Variants in CPNE4 observed in about 807,000 individuals in gnomAD.
CPNE4 encodes the protein copine-4.
Under a neutral mutation model 67.9 loss-of-function variants are expected in CPNE4, and 25 were observed. That is an observed-to-expected ratio of 0.37 (90% confidence interval 0.27 to 0.51). The LOEUF is 0.51. Ranked by LOEUF, CPNE4 falls within the 20% of genes least tolerant of loss-of-function variation. The pLI is 0.93. For synonymous variants in CPNE4, 242 were observed against 244.9 expected (o/e 0.99, Z 0.11); for missense variants, 464 against 690.8 (o/e 0.67, Z 3.68).
At chr3:131,893,417 C>T (rs1583414670) in intron 2 of CPNE4, among the ~76,000 whole-genome samples, 1 of 151,910 alleles carries the variant, frequency 6.6e-6, no homozygotes, top group African/African-American at 2.4e-5. Flanking sequence ...TACAGGTCAT[C>T]GAGACAAACA....
At chr3:131,546,818 T>C (rs976315856) in intron 14 of CPNE4, among the ~76,000 whole-genome samples, 2 of 152,170 alleles carry the variant, frequency 1.3e-5, no homozygotes, top group Non-Finnish European at 1.5e-5. Flanking sequence ...CAGGGAGCCC[T>C]TAGGGATGCC....
chr3:131,591,227 A>G (rs752501943), intron 7 of CPNE4, among the ~76,000 whole-genome samples: 12 of 152,200 alleles, frequency 7.9e-5, no homozygotes, highest in Non-Finnish European at 1.6e-4. Context: ...TTTGCCTGAT[A>G]GTAAGTACAG....
chr3:131,763,949 T>C (rs1047682989), intron 2 of CPNE4, among the ~76,000 whole-genome samples: 2 of 152,118 alleles, frequency 1.3e-5, no homozygotes, highest in South Asian at 4.1e-4. Flanking sequence ...GTGCATCCTA[T>C]GTGCCAGGGT....
At chr3:131,908,119 T>G (rs1197964353) in intron 1 of CPNE4, among the ~76,000 whole-genome samples, 2 of 152,160 alleles carry the variant, frequency 1.3e-5, no homozygotes, top group Non-Finnish European at 2.9e-5. Flanking sequence ...ACTGTTCAAA[T>G]GTACCAAGGA....
intron 1 of CPNE4, among the ~76,000 whole-genome samples, chr3:132,029,974 A>G (rs2074203330): frequency 2.0e-5 from 3 of 152,264 alleles, no homozygotes; most frequent in African/African-American, 7.2e-5. Context: ...CAGAACATGC[A>G]CATTAACAGA....
chr3:131,770,227 C>T (rs928021424), intron 2 of CPNE4, among the ~76,000 whole-genome samples: 1 of 152,152 alleles, frequency 6.6e-6, no homozygotes, highest in Non-Finnish European at 1.5e-5. Context: ...GGAGCTTTTC[C>T]TGTTGTCCTG....
At chr3:131,615,891 T>TCTCACACA (rs752305040) in intron 7 of CPNE4, among the ~76,000 whole-genome samples, 3 of 107,762 alleles carry the variant, frequency 2.8e-5, no homozygotes, top group African/African-American at 9.2e-5. Flanking sequence ...TCTCTCTCTC[T>TCTCACACA]CACACACACA....
At position 131,723,586 on chromosome 3, in the gene CPNE4, C is replaced by T. The variant is rs759894986; in HGVS notation, c.220G>A (p.Val74Met). ...TCCACAGTAAACAGTTTTGAGTACA[C>T]TGGGTTTATGCAGGTGCGAATCACC... The part of the protein sequence containing the change: ...TEVIRTCINP[V>M]YSKLFTVDFY... The change falls in exon 3 of 16, where the codon GTG becomes ATG. Residue 74 changes from valine to methionine, a missense_variant. Val to Met is a conservative substitution (Grantham distance 21). This residue lies in a region of CPNE4 where 170 missense variants were observed against 203.3 expected (regional missense o/e 0.84). Transcript: ENST00000429747. The T allele has an allele frequency of 6.2e-7, 1 of 1,614,156 alleles. No homozygotes were observed. Among genetic ancestry groups the T allele is most frequent in the South Asian group, 1.1e-5 (1 of 91,082 alleles).
intron 2 of CPNE4, among the ~76,000 whole-genome samples, chr3:131,860,649 T>C (rs2086637945): frequency 6.6e-6 from 1 of 150,712 alleles, no homozygotes; most frequent in Non-Finnish European, 1.5e-5. Context: ...TAGGTTTGGA[T>C]TACATGATTA....
chr3:132,037,494 G>T (rs1284065239), upstream of CPNE4: 11 of 1,270,306 alleles, frequency 8.7e-6, no homozygotes, highest in East Asian at 2.8e-4. Flanking sequence ...ACAGCAAGTT[G>T]CCCGCCAGCC....
chr3:131,813,407 C>T (rs1015352942), intron 2 of CPNE4, among the ~76,000 whole-genome samples: 26 of 148,814 alleles, frequency 1.7e-4, no homozygotes, highest in East Asian at 5.9e-4. Flanking sequence ...TATATACAAA[C>T]GTATATATGT....
At chr3:131,926,088 T>C (rs1480700719) in intron 1 of CPNE4, among the ~76,000 whole-genome samples, 3 of 152,126 alleles carry the variant, frequency 2.0e-5, no homozygotes, top group African/African-American at 7.2e-5. Flanking sequence ...TAAAGGTAAG[T>C]AATAAGATGG....
At chr3:132,014,314 CT>C (rs2073842549) in intron 1 of CPNE4, among the ~76,000 whole-genome samples, 1 of 152,076 alleles carries the variant, frequency 6.6e-6, no homozygotes, top group South Asian at 2.1e-4. Context: ...CAGCCTACTC[CT>C]CCCCCCGAAT....
At chr3:131,784,018 T>G (rs1462787920) in intron 2 of CPNE4, among the ~76,000 whole-genome samples, 27 of 152,102 alleles carry the variant, frequency 1.8e-4, no homozygotes, top group Admixed American at 1.8e-3. Flanking sequence ...TCAGAGAAAT[T>G]TTGCTCAGCA....
intron 1 of CPNE4, among the ~76,000 whole-genome samples, chr3:131,975,284 A>T (rs1258218656): frequency 6.6e-6 from 1 of 152,158 alleles, no homozygotes; most frequent in East Asian, 1.9e-4. Flanking sequence ...GCGATAAGAA[A>T]GTCAGCCTCC....
At chr3:131,859,583 T>A (rs2086591027) in intron 2 of CPNE4, among the ~76,000 whole-genome samples, 1 of 152,106 alleles carries the variant, frequency 6.6e-6, no homozygotes, top group Non-Finnish European at 1.5e-5. Context: ...TCCAGGCCAA[T>A]AAAAGTAGAA....
intron 2 of CPNE4, among the ~76,000 whole-genome samples, chr3:131,765,753 G>A (rs529358163): frequency 1.3e-5 from 2 of 152,014 alleles, no homozygotes; most frequent in South Asian, 2.1e-4. Context: ...AAGTGACATC[G>A]CTGAAGCTGA....
chr3:131,872,578 A>C (rs1272164981), intron 2 of CPNE4, among the ~76,000 whole-genome samples: 5 of 152,228 alleles, frequency 3.3e-5, no homozygotes, highest in Admixed American at 3.3e-4. Context: ...CTTAAATGTT[A>C]ATCTCATCCA....
rs944690767 is a variant in CPNE4, at chr3:131,650,131, T to C, written c.681+19544A>G. On this transcript the variant is annotated intron_variant, in intron 7 of 15. Transcript: ENST00000429747. ...CCTAGGCCATCTTTTAAAGGGCATA[T>C]CTGATTAGGTAAGGCCCACTAGTAT... Among the ~76,000 whole-genome samples the C allele has an allele frequency of 2.9e-4, 44 of 152,148 alleles. 1 individual carries two copies. The highest frequency in any genetic ancestry group is 5.7e-4 in the Non-Finnish European group (39 of 68,028).
Sources: gnomAD v4.1 joint callset for allele counts (sites outside exome capture counted in the v4.1 genomes callset) on GRCh38, gnomAD v4.1.1 for gene constraint, gnomAD v4.1.1 regional missense constraint, MANE v1.5 for transcripts, NCBI Gene and HGNC (gene_info 2026-07-23, HGNC 2026-07-21) for gene names.